Variants in STAC observed in about 807,000 individuals in gnomAD.
STAC encodes SH3 and cysteine-rich domain-containing protein.
STAC carries 43 observed loss-of-function variants against 48.8 expected under a neutral mutation model. That is an observed-to-expected ratio of 0.88 (90% confidence interval 0.69 to 1.14). The LOEUF is 1.14. Ranked by LOEUF, STAC falls within the 50% of genes most tolerant of loss-of-function variation. STAC has a pLI of 0.00. For missense variants in STAC, 497 were observed against 504.0 expected (o/e 0.99, Z 0.13); for synonymous variants, 193 against 179.5 (o/e 1.07, Z -0.60).
At chr3:36,453,899 A>C (rs1456990844) in intron 2 of STAC, among the ~76,000 whole-genome samples, 2 of 152,170 alleles carry the variant, frequency 1.3e-5, no homozygotes, top group South Asian at 2.1e-4. Context: ...GGGTTTGTGA[A>C]TGCACCAATT....
intron 1 of STAC, among the ~76,000 whole-genome samples, chr3:36,387,821 C>T (rs1480537279): frequency 6.6e-6 from 1 of 151,464 alleles, no homozygotes; most frequent in Non-Finnish European, 1.5e-5. Context: ...TGTTGAAGTC[C>T]CCTCTTTCAT....
chr3:36,518,311 G>T (rs1030884767), intron 8 of STAC, among the ~76,000 whole-genome samples: 2 of 152,042 alleles, frequency 1.3e-5, no homozygotes, highest in Non-Finnish European at 1.5e-5. Flanking sequence ...ATCATACAAT[G>T]CCTGTTCCAA....
intron 8 of STAC, among the ~76,000 whole-genome samples, chr3:36,516,719 G>A (rs1305708507): frequency 1.3e-5 from 2 of 152,088 alleles, no homozygotes; most frequent in African/African-American, 4.8e-5. Flanking sequence ...CACTATCTGT[G>A]TCAATTTTAG....
At chr3:36,398,295 A>AAAAGAAAGAAAGAAAGAAAGAAAG (rs1217994053) in intron 1 of STAC, among the ~76,000 whole-genome samples, 3 of 117,000 alleles carry the variant, frequency 2.6e-5, no homozygotes, top group Non-Finnish European at 5.3e-5. Context: ...GGTATGTTAA[A>AAAAGAAAGAAAGAAAGAAAGAAAG]AAAGAAAGAA....
Position 36,482,248 on chromosome 3 carries a change from C to A in STAC, c.389-744C>A, listed in dbSNP as rs376551023. On this transcript the variant is annotated intron_variant, in intron 2 of 10. Coordinates refer to ENST00000273183, the MANE Select transcript of STAC (RefSeq NM_003149.3). The stretch of plus-strand genomic sequence containing the variant: ...AATGAACACCGGTGTGCAGCACCTG[C>A]CATCTTCCTGAAGCCCCCACACCCT... 3.3e-5 allele frequency among the ~76,000 whole-genome samples: 5 copies of A among 152,182 alleles called. No homozygotes were observed. The East Asian group carries it at 7.7e-4, about 23-fold the overall frequency.
At chr3:36,429,554 T>TCCTCCCCTTGCATGTCCCTGGGCCA (rs1700642551) in intron 1 of STAC, among the ~76,000 whole-genome samples, 1 of 152,104 alleles carries the variant, frequency 6.6e-6, no homozygotes, top group Non-Finnish European at 1.5e-5. Context: ...GGAAGATGCT[T>TCCTCCCCTTGCATGTCCCTGGGCCA]CCTCCCCTTG....
chr3:36,434,671 C>A (rs541283464), intron 1 of STAC, among the ~76,000 whole-genome samples: 2 of 152,302 alleles, frequency 1.3e-5, no homozygotes, highest in African/African-American at 4.8e-5. Flanking sequence ...ACCCCTTTCC[C>A]ATATAGCATG....
At chr3:36,474,228 T>C (rs187446539) in intron 2 of STAC, among the ~76,000 whole-genome samples, 125 of 152,262 alleles carry the variant, frequency 8.2e-4, no homozygotes, top group Admixed American at 1.8e-3. Context: ...ACAAATGTGA[T>C]GAGAATCACA....
At chr3:36,426,651 CG>C (rs1389487735) in intron 1 of STAC, among the ~76,000 whole-genome samples, 1 of 151,836 alleles carries the variant, frequency 6.6e-6, no homozygotes, top group Non-Finnish European at 1.5e-5. Flanking sequence ...GGTCTCCAGA[CG>C]TGACTTAGAA....
intron 2 of STAC, among the ~76,000 whole-genome samples, chr3:36,465,667 C>G (rs1206503585): frequency 6.6e-6 from 1 of 151,980 alleles, no homozygotes; most frequent in Non-Finnish European, 1.5e-5. Context: ...ATCACAAGGT[C>G]CCACAACAGG....
At chr3:36,476,176 G>A (rs892343522) in intron 2 of STAC, among the ~76,000 whole-genome samples, 12 of 152,210 alleles carry the variant, frequency 7.9e-5, no homozygotes, top group African/African-American at 2.9e-4. Context: ...GGACAGTGAT[G>A]TACTTTGTAC....
intron 8 of STAC, among the ~76,000 whole-genome samples, chr3:36,512,354 C>G (rs1166634335): frequency 6.6e-6 from 1 of 152,076 alleles, no homozygotes; most frequent in Non-Finnish European, 1.5e-5. Context: ...CAGCAGATGA[C>G]CCACAATTAA....
At chr3:36,540,109 G>C (rs2125503515) in intron 10 of STAC, among the ~76,000 whole-genome samples, 1 of 152,206 alleles carries the variant, frequency 6.6e-6, no homozygotes, top group East Asian at 1.9e-4. Context: ...GAGATTTGAA[G>C]ATGCTATGCT....
chr3:36,504,997 C>A (rs758608676), intron 7 of STAC, among the ~76,000 whole-genome samples: 1 of 151,938 alleles, frequency 6.6e-6, no homozygotes, highest in African/African-American at 2.4e-5. Context: ...GTTTTTATAG[C>A]ATTAACATTT....
Position 36,470,066 on chromosome 3 carries a change from C to T in STAC, c.389-12926C>T, listed in dbSNP as rs113765136. 1.6e-3 allele frequency among the ~76,000 whole-genome samples: 242 copies of T among 152,162 alleles called. 1 individual carries two copies. Among genetic ancestry groups the T allele is most frequent in the African/African-American group, 4.2e-3 (173 of 41,530 alleles). The stretch of plus-strand genomic sequence containing the variant: ...TAATTGACCTGAATTTTTTTTCTGG[C>T]AATTCAGAGATTTCATCTTGGTTTA... On this transcript the variant is annotated intron_variant, in intron 2 of 10. Coordinates refer to ENST00000273183, the MANE Select transcript of STAC (RefSeq NM_003149.3).
intron 2 of STAC, among the ~76,000 whole-genome samples, chr3:36,466,592 A>ATATATATATAAAATACATATAT (rs1697178703): frequency 6.6e-6 from 1 of 151,860 alleles, no homozygotes; most frequent in South Asian, 2.1e-4. Flanking sequence ...AGTGCTTTGT[A>ATATATATATAAAATACATATAT]GTTTTTCTTG....
intron 1 of STAC, among the ~76,000 whole-genome samples, chr3:36,385,899 T>C (rs1413376169): frequency 6.6e-6 from 1 of 152,126 alleles, no homozygotes; most frequent in Non-Finnish European, 1.5e-5. Context: ...CTACTGATGA[T>C]GGACATTTGG....
chr3:36,490,903 A>G (rs781156367), intron 5 of STAC, among the ~76,000 whole-genome samples: 3 of 152,214 alleles, frequency 2.0e-5, no homozygotes, highest in African/African-American at 4.8e-5. Context: ...ATGTCCATTT[A>G]TCACCGTCCA....
At chr3:36,408,733 A>G (rs1559480464) in intron 1 of STAC, among the ~76,000 whole-genome samples, 1 of 152,188 alleles carries the variant, frequency 6.6e-6, no homozygotes, top group South Asian at 2.1e-4. Context: ...TGGAATGAGG[A>G]AGGCAAAGTA....
Sources: allele counts gnomAD v4.1 joint callset (sites outside exome capture counted in the v4.1 genomes callset), GRCh38; gene constraint gnomAD v4.1.1; transcripts MANE v1.5; gene names NCBI Gene and HGNC (gene_info 2026-07-23, HGNC 2026-07-21).